OSBPL8: variants seen among roughly 807,000 people sequenced by gnomAD.
The protein encoded by OSBPL8 is oxysterol binding protein like 8.
A neutral mutation model predicts 125.5 loss-of-function variants in OSBPL8; 59 were observed. The ratio of observed to expected loss-of-function variants is 0.47; its 90% CI spans 0.38 to 0.58. The LOEUF (loss-of-function observed/expected upper bound fraction) is 0.58, where lower values mean the gene tolerates loss of function less well. Ranked by LOEUF, OSBPL8 falls within the 20% of genes least tolerant of loss-of-function variation. OSBPL8 has a pLI of 0.00. For missense variants in OSBPL8, 758 were observed against 1,047.8 expected (o/e 0.72, Z 3.82); for synonymous variants, 330 against 338.9 (o/e 0.97, Z 0.29).
chr12:76,383,456 GAAATAT>G (rs1431657208), intron 15 of OSBPL8, among the ~76,000 whole-genome samples: 1 of 150,280 alleles, frequency 6.7e-6, no homozygotes, highest in Non-Finnish European at 1.5e-5. Context: ...ACACCTTGAA[GAAATAT>G]AACAATACAC....
chr12:76,451,049 T>C (rs1873346319), intron 3 of OSBPL8, 61 bp from the exon 4 acceptor site: 1 of 1,518,582 alleles, frequency 6.6e-7, no homozygotes, highest in Non-Finnish European at 8.9e-7. Flanking sequence ...AATAGTATAG[T>C]TAATAACATG....
intron 3 of OSBPL8, among the ~76,000 whole-genome samples, chr12:76,455,050 C>T (rs915648294): frequency 6.7e-5 from 10 of 149,788 alleles, no homozygotes; most frequent in South Asian, 4.2e-4. Context: ...CTGGCTAACA[C>T]GGTGAAACCT....
intron 1 of OSBPL8, among the ~76,000 whole-genome samples, chr12:76,548,717 C>T (rs1950853285): frequency 6.6e-6 from 1 of 152,026 alleles, no homozygotes; most frequent in Non-Finnish European, 1.5e-5. Flanking sequence ...ACTACCTTGC[C>T]CCACAAAGTG....
chr12:76,413,516 T>G (rs988522009), intron 4 of OSBPL8, among the ~76,000 whole-genome samples: 1 of 152,230 alleles, frequency 6.6e-6, no homozygotes, highest in South Asian at 2.1e-4. Context: ...AAGGTTTAAA[T>G]CTAGAAGGAG....
rs1265642895 is a variant in OSBPL8, at chr12:76,351,993, G to A, written c.*3896C>T. The A allele has an allele frequency of 1.3e-5, 2 of 152,194 alleles. No homozygotes were observed. Among genetic ancestry groups the A allele is most frequent in the Non-Finnish European group, 2.9e-5 (2 of 68,022 alleles). 9.4% of individuals were successfully genotyped at this position (152,194 alleles called of 1,614,324 possible). ...CTGTGCACCTTAAGGAAAAGAATTTGACAGTGTGCTGTACTTACACTGCAG... is the reference window on the plus strand; with the variant it reads ...CTGTGCACCTTAAGGAAAAGAATTTAACAGTGTGCTGTACTTACACTGCAG... On this transcript the variant is annotated 3_prime_UTR_variant, in exon 24 of 24. Transcript: ENST00000261183.
chr12:76,503,440 T>A (rs761358452), intron 1 of OSBPL8, among the ~76,000 whole-genome samples: 1 of 152,224 alleles, frequency 6.6e-6, no homozygotes, highest in Non-Finnish European at 1.5e-5. Context: ...AACTATCTCA[T>A]TAAAGACCCT....
At chr12:76,493,308 G>A (rs892177068) in intron 1 of OSBPL8, among the ~76,000 whole-genome samples, 7 of 152,118 alleles carry the variant, frequency 4.6e-5, no homozygotes, top group East Asian at 1.9e-4. Flanking sequence ...CAATGACAGC[G>A]TTTTACTGGT....
chr12:76,392,512 C>T (rs2136302458), intron 10 of OSBPL8, 69 bp downstream of exon 10: 3 of 1,423,940 alleles, frequency 2.1e-6, no homozygotes, highest in Non-Finnish European at 2.9e-6. Flanking sequence ...AAATTCTAGG[C>T]CTGCCAACTA....
At position 76,364,962 on chromosome 12, in the gene OSBPL8, A is replaced by C. The variant is rs7138873; in HGVS notation, c.2328+4252T>G. 8.3e-3 allele frequency among the ~76,000 whole-genome samples: 1,255 copies of C among 152,118 alleles called. 9 individuals carry two copies. The highest frequency in any genetic ancestry group is 0.014 in the Non-Finnish European group (983 of 67,980). On this transcript the variant is annotated intron_variant, in intron 21 of 23. Coordinates refer to ENST00000261183, the MANE Select transcript of OSBPL8 (RefSeq NM_020841.5). Reference sequence around the variant, plus strand: ...ATCTGTAGGTTGCTTTTAGTAGTACAGTTACGTCCTTATTTTTTTGAGACA... The same window carrying C: ...ATCTGTAGGTTGCTTTTAGTAGTACCGTTACGTCCTTATTTTTTTGAGACA...
At position 76,532,764 on chromosome 12, in the gene OSBPL8, T is replaced by C. The variant is rs185458462; in HGVS notation, c.-68+26633A>G. Among the ~76,000 whole-genome samples the C allele has an allele frequency of 7.6e-4, 116 of 151,842 alleles. No homozygotes were observed. In the East Asian group the frequency reaches 0.019, roughly 24 times the overall value. ...ATCAGTCCATGCCTGTCTCTCTCTC[T>C]CTGATAAATGTGAATCACAAGCAGA... On this transcript the variant is annotated intron_variant, in intron 1 of 23. Coordinates refer to ENST00000261183, the MANE Select transcript of OSBPL8 (RefSeq NM_020841.5).
At chr12:76,455,857 T>C (rs1433616806) in intron 3 of OSBPL8, among the ~76,000 whole-genome samples, 2 of 152,210 alleles carry the variant, frequency 1.3e-5, no homozygotes, top group Non-Finnish European at 1.5e-5. Flanking sequence ...AATGACTGAA[T>C]AGATATTTGG....
At chr12:76,421,569 C>T (rs1038377810) in intron 4 of OSBPL8, among the ~76,000 whole-genome samples, 1 of 151,802 alleles carries the variant, frequency 6.6e-6, no homozygotes, top group Non-Finnish European at 1.5e-5. Context: ...ATTCAGAAAG[C>T]CAAGAATAAA....
chr12:76,386,310 G>C lies in OSBPL8; in HGVS notation c.1435-44C>G, dbSNP rs370846171. The C allele has an allele frequency of 1.6e-3, 2,515 of 1,557,414 alleles. 53 individuals are homozygous for C. The South Asian group carries it at 0.029, about 18-fold the overall frequency. On this transcript the variant is annotated intron_variant, in intron 13 of 23. Coordinates refer to ENST00000261183, the MANE Select transcript of OSBPL8 (RefSeq NM_020841.5). The stretch of plus-strand genomic sequence containing the variant: ...AGCAATTTCAAATTACAAATACAAA[G>C]GATTCAAAATAGTTTAAACTAGTCA...
chr12:76,467,322 A>C (rs1875570209), intron 2 of OSBPL8, among the ~76,000 whole-genome samples: 1 of 152,190 alleles, frequency 6.6e-6, no homozygotes, highest in Non-Finnish European at 1.5e-5. Flanking sequence ...ATTGATGCTC[A>C]AGGCTCATTT....
intron 1 of OSBPL8, among the ~76,000 whole-genome samples, chr12:76,549,725 A>G (rs1295496201): frequency 6.6e-6 from 1 of 152,234 alleles, no homozygotes; most frequent in East Asian, 1.9e-4. Context: ...GCTAGAAGAC[A>G]ACAAAGCAAT....
chr12:76,494,636 A>T (rs1277295852), intron 1 of OSBPL8, among the ~76,000 whole-genome samples: 1 of 152,206 alleles, frequency 6.6e-6, no homozygotes, highest in East Asian at 1.9e-4. Context: ...AAGATACAAG[A>T]TGACCTAGAT....
Position 76,513,141 on chromosome 12 carries a change from T to C in OSBPL8, c.-67-25523A>G, listed in dbSNP as rs994842846. 3.3e-5 allele frequency among the ~76,000 whole-genome samples: 5 copies of C among 152,268 alleles called. No homozygotes were observed. The East Asian group carries it at 7.7e-4, about 23-fold the overall frequency. Reference sequence around the variant, plus strand: ...TCTTAGTCTTGACTTCTATTTATATTGCACTGTGGTCCAAGAGCATGTTTG... The same window carrying C: ...TCTTAGTCTTGACTTCTATTTATATCGCACTGTGGTCCAAGAGCATGTTTG... On this transcript the variant is annotated intron_variant, in intron 1 of 23. Transcript: ENST00000261183.
intron 20 of OSBPL8, 41 bp from the exon 21 acceptor site, chr12:76,369,342 T>C (rs997979071): frequency 1.3e-6 from 2 of 1,562,460 alleles, no homozygotes; most frequent in Middle Eastern, 1.8e-4. Flanking sequence ...GCTCAATGAC[T>C]AAACAAAGAA....
chr12:76,463,593 A>C (rs914019857), intron 2 of OSBPL8, among the ~76,000 whole-genome samples: 1 of 152,206 alleles, frequency 6.6e-6, no homozygotes, highest in Admixed American at 6.5e-5. Flanking sequence ...CCATGGGATA[A>C]AAGAACAGGC....
Sources: allele counts gnomAD v4.1 joint callset (sites outside exome capture counted in the v4.1 genomes callset), GRCh38; gene constraint gnomAD v4.1.1; transcripts MANE v1.5; gene names NCBI Gene and HGNC (gene_info 2026-07-23, HGNC 2026-07-21).